The following SHANK2 variants were observed in gnomAD, a reference collection of about 807,000 sequenced individuals.
SHANK2 encodes SH3 and multiple ankyrin repeat domains protein 2.
In SHANK2, 43 loss-of-function variants were observed where a neutral mutation model predicts 133.7. The ratio of observed to expected loss-of-function variants is 0.32; its 90% CI spans 0.25 to 0.41. SHANK2 has a LOEUF of 0.41. Among genes scored for constraint, SHANK2 ranks in the 10% least tolerant of loss-of-function variants. The pLI, the probability that SHANK2 is intolerant of heterozygous loss-of-function variation, is 1.00. For missense variants in SHANK2, 1,994 were observed against 2,235.8 expected (o/e 0.89, Z 2.18); for synonymous variants, 1,017 against 952.8 (o/e 1.07, Z -1.24).
intron 6 of SHANK2, among the ~76,000 whole-genome samples, chr11:71,105,345 C>A (rs1298905329): frequency 6.6e-6 from 1 of 152,188 alleles, no homozygotes; most frequent in Non-Finnish European, 1.5e-5. Context: ...GTAATCCCAG[C>A]ACTTTGGGAG....
intron 11 of SHANK2, among the ~76,000 whole-genome samples, chr11:70,850,187 CTCCT>C (rs10543663): frequency 0.032 from 4,908 of 152,254 alleles, 232 homozygotes; most frequent in African/African-American, 0.11. Flanking sequence ...TCCTACGGTT[CTCCT>C]TCAATCTTCA....
intron 11 of SHANK2, among the ~76,000 whole-genome samples, chr11:70,887,761 C>G (rs185586786): frequency 2.0e-5 from 3 of 152,180 alleles, no homozygotes; most frequent in African/African-American, 7.2e-5. Context: ...TTTAATTTAC[C>G]CACTTTGAAG....
At chr11:70,812,427 CTT>C (rs1348074571) in intron 12 of SHANK2, among the ~76,000 whole-genome samples, 1 of 152,176 alleles carries the variant, frequency 6.6e-6, no homozygotes, top group East Asian at 1.9e-4. Context: ...AAGGTGAAAA[CTT>C]TTGTCCCCAT....
At chr11:70,953,513 C>T in intron 10 of SHANK2, among the ~76,000 whole-genome samples, 1 of 150,698 alleles carries the variant, frequency 6.6e-6, no homozygotes, top group East Asian at 2.0e-4. Flanking sequence ...GGTGTAGGTC[C>T]CAGAGTCCAA....
At chr11:70,878,147 A>C (rs782234262) in intron 11 of SHANK2, among the ~76,000 whole-genome samples, 2 of 152,188 alleles carry the variant, frequency 1.3e-5, no homozygotes, top group Non-Finnish European at 2.9e-5. Context: ...TCTGTGGATG[A>C]AGTCAGCACT....
chr11:71,146,647 C>T lies in SHANK2; in HGVS notation c.207+473G>A, dbSNP rs1432895674. Among the ~76,000 whole-genome samples, 6 of 152,190 alleles carry T rather than the reference C, an allele frequency of 3.9e-5. No individual in the cohort carries two copies. The East Asian group carries it at 1.2e-3, about 29-fold the overall frequency. On this transcript the variant is annotated intron_variant, in intron 3 of 25. Transcript: ENST00000601538. Reference sequence around the variant, plus strand: ...GCCACGCGGGAAGGAGTGCTCAGGGCTGTACCCCCTGGAAGTGGGGGAGCA... The same window carrying T: ...GCCACGCGGGAAGGAGTGCTCAGGGTTGTACCCCCTGGAAGTGGGGGAGCA...
chr11:70,774,326 G>GT (rs201907774), intron 14 of SHANK2, among the ~76,000 whole-genome samples: 10,482 of 145,248 alleles, frequency 0.072, 443 homozygotes, highest in Admixed American at 0.13. Context: ...AGTGACTTTT[G>GT]TTTTTTTTTT....
At chr11:70,568,457 T>G (rs1554982367) in intron 17 of SHANK2, among the ~76,000 whole-genome samples, 1 of 152,052 alleles carries the variant, frequency 6.6e-6, no homozygotes, top group Non-Finnish European at 1.5e-5. Flanking sequence ...TCTGAAGAAC[T>G]CATTTAATGG....
intron 14 of SHANK2, among the ~76,000 whole-genome samples, chr11:70,699,363 T>C (rs1945472046): frequency 6.6e-6 from 1 of 151,898 alleles, no homozygotes; most frequent in African/African-American, 2.4e-5. Flanking sequence ...ATGAGTGATG[T>C]AATTAGATTT....
rs3924047 is a variant in SHANK2 at position 71,118,812 on chromosome 11, T to C, written c.411+17A>G. ...TGTGACACAACCACAGTCCATGCAC[T>C]GTGGGCTGAAATATACCTCCAGGGA... is the stretch of plus-strand genomic sequence containing the variant. On this transcript the variant is annotated intron_variant, in intron 4 of 25. Transcript: ENST00000601538. The C allele has an allele frequency of 0.5, 764,442 of 1,531,148 alleles. 192,460 individuals are homozygous for C. Among genetic ancestry groups the C allele is most frequent in the East Asian group, 0.63 (25,762 of 40,740 alleles). The allele number at this position is 1,531,148 out of a possible 1,614,324, so 94.8% of individuals were successfully genotyped here.
intron 11 of SHANK2, chr11:70,826,758 A>C: frequency 3.4e-6 from 1 of 293,944 alleles, no homozygotes; most frequent in Non-Finnish European, 6.8e-6. Context: ...AAACCCGGCT[A>C]CCTCTCGCGG....
chr11:70,607,353 T>C (rs1180212340), intron 17 of SHANK2, among the ~76,000 whole-genome samples: 1 of 152,158 alleles, frequency 6.6e-6, no homozygotes, highest in Non-Finnish European at 1.5e-5. Context: ...CTGGCCACTT[T>C]CCGGCTCCTC....
At chr11:70,654,989 G>A (rs899739312) in intron 17 of SHANK2, among the ~76,000 whole-genome samples, 1 of 151,936 alleles carries the variant, frequency 6.6e-6, no homozygotes, top group Non-Finnish European at 1.5e-5. Flanking sequence ...GGCTGGTCTC[G>A]AACTCCTGAC....
chr11:70,614,661 C>T (rs1554995408), intron 17 of SHANK2, among the ~76,000 whole-genome samples: 1 of 152,220 alleles, frequency 6.6e-6, no homozygotes, highest in African/African-American at 2.4e-5. Flanking sequence ...AAGCAGCATT[C>T]CAGGCCCTTC....
At chr11:71,137,158 T>C (rs1318485333) in intron 3 of SHANK2, among the ~76,000 whole-genome samples, 2 of 152,148 alleles carry the variant, frequency 1.3e-5, no homozygotes, top group African/African-American at 2.4e-5. Context: ...CCACTGTGCA[T>C]AGCCCTGAAT....
chr11:70,735,144 C>T (rs1469064165), intron 14 of SHANK2, among the ~76,000 whole-genome samples: 5 of 152,200 alleles, frequency 3.3e-5, no homozygotes, highest in Non-Finnish European at 5.9e-5. Context: ...TCTGCCCAAT[C>T]TGTCAGGGAA....
chr11:70,858,675 G>A (rs1555067219), intron 11 of SHANK2, among the ~76,000 whole-genome samples: 2 of 152,226 alleles, frequency 1.3e-5, no homozygotes, highest in African/African-American at 4.8e-5. Flanking sequence ...ACTCCTTAAA[G>A]GTTCTCCCCA....
chr11:71,131,631 G>A (rs1555103729), intron 3 of SHANK2, among the ~76,000 whole-genome samples: 1 of 152,140 alleles, frequency 6.6e-6, no homozygotes, highest in Non-Finnish European at 1.5e-5. Context: ...CTCCTTGGGG[G>A]TGACTTAATC....
At chr11:70,587,288 C>T (rs2060266793) in intron 17 of SHANK2, among the ~76,000 whole-genome samples, 1 of 152,184 alleles carries the variant, frequency 6.6e-6, no homozygotes, top group Admixed American at 6.5e-5. Flanking sequence ...CCTCTAAATG[C>T]TTTCTCTAAA....
Sources: gnomAD v4.1 joint callset for allele counts (sites outside exome capture counted in the v4.1 genomes callset) on GRCh38, gnomAD v4.1.1 for gene constraint, MANE v1.5 for transcripts, NCBI Gene and HGNC (gene_info 2026-07-23, HGNC 2026-07-21) for gene names.